Variants in HELZ observed in about 807,000 individuals in gnomAD.
HELZ encodes helicase with zinc finger, also known as ATP-dependent RNA helicase with zinc finger domain.
A neutral mutation model predicts 218.2 loss-of-function variants in HELZ; 23 were observed. That is an observed-to-expected ratio of 0.11 (90% CI 0.08 to 0.15). HELZ has a LOEUF of 0.15. Ranked by LOEUF, HELZ falls within the 10% of genes least tolerant of loss-of-function variation. The pLI is 1.00. For synonymous variants in HELZ, 814 were observed against 829.4 expected, an observed-to-expected ratio of 0.98 and a Z score of 0.32; for missense variants, 1,813 against 2,353.7, an observed-to-expected ratio of 0.77 and a Z score of 4.75.
At chr17:67,102,594 G>A (rs886270302) in intron 31 of HELZ, among the ~76,000 whole-genome samples, 4 of 152,116 alleles carry the variant, frequency 2.6e-5, no homozygotes, top group South Asian at 2.1e-4. Flanking sequence ...TGTTGTTAAC[G>A]TTAAAGAAAT....
At chr17:67,133,824 T>C (rs986496835) in intron 23 of HELZ, among the ~76,000 whole-genome samples, 4 of 152,216 alleles carry the variant, frequency 2.6e-5, no homozygotes, top group Non-Finnish European at 5.9e-5. Flanking sequence ...CGGAACACTA[T>C]TCTTAAATCC....
At chr17:67,215,831 G>GA (rs780032252) in intron 5 of HELZ, 68 bp downstream of exon 5, 268 of 1,028,918 alleles carry the variant, frequency 2.6e-4, no homozygotes, top group Non-Finnish European at 3.7e-4. Context: ...TTTGAAATTA[G>GA]CCAAAAAAAA....
At chr17:67,168,958 G>A (rs1334971392) in intron 13 of HELZ, among the ~76,000 whole-genome samples, 1 of 152,116 alleles carries the variant, frequency 6.6e-6, no homozygotes, top group Non-Finnish European at 1.5e-5. Flanking sequence ...CAGGTGTGGT[G>A]GCAGGCACTT....
At chr17:67,191,476 T>C (rs2039893180) in intron 9 of HELZ, among the ~76,000 whole-genome samples, 1 of 151,966 alleles carries the variant, frequency 6.6e-6, no homozygotes, top group Admixed American at 6.6e-5. Flanking sequence ...TTTTTGGAGA[T>C]AGTCTCGCTC....
chr17:67,232,149 ATT>A, intron 3 of HELZ, among the ~76,000 whole-genome samples: 1 of 148,136 alleles, frequency 6.8e-6, no homozygotes, highest in African/African-American at 2.5e-5. Context: ...GTATTTTATA[ATT>A]TTTTTTTTTC....
upstream of HELZ, chr17:67,245,565 T>C (rs1232396106): frequency 2.1e-6 from 2 of 972,226 alleles, no homozygotes; most frequent in Non-Finnish European, 2.4e-6. Context: ...CTCGCGGATT[T>C]ATTTGTGCGC....
chr17:67,116,317 T>A (rs1022959296), intron 27 of HELZ, among the ~76,000 whole-genome samples: 3 of 152,032 alleles, frequency 2.0e-5, no homozygotes, highest in African/African-American at 7.3e-5. Flanking sequence ...AGAATCAAAC[T>A]TAACTGTATC....
intron 5 of HELZ, among the ~76,000 whole-genome samples, chr17:67,211,817 C>T (rs994544348): frequency 4.6e-5 from 7 of 151,758 alleles, no homozygotes; most frequent in Non-Finnish European, 7.4e-5. Flanking sequence ...GCCAAGATTA[C>T]GCCACTGCAC....
rs954058186 is a variant in HELZ, at chr17:67,245,140, G to A, written c.-132+8C>T. 11 of 985,114 alleles carry A rather than the reference G, an allele frequency of 1.1e-5. No homozygotes were observed. In the Admixed American group the frequency reaches 4.3e-4, roughly 39 times the overall value. The allele number at this position is 985,114 out of a possible 1,614,324, so 61.0% of individuals were successfully genotyped here. A position where few individuals can be genotyped will look rare whatever the true frequency, so the allele number is the denominator to read the frequency against. ...CCAGGAGCAGAGAAGGGGGAAGTCA[G>A]GACTTACCTGTCATTACTTTCTACG... On this transcript the variant is annotated splice_region_variant and intron_variant, in intron 1 of 32. Transcript: ENST00000358691.
chr17:67,187,165 T>G (rs1166448029), intron 12 of HELZ, among the ~76,000 whole-genome samples: 1 of 152,190 alleles, frequency 6.6e-6, no homozygotes, highest in East Asian at 1.9e-4. Context: ...TTATTTTTAT[T>G]TTATCAACTA....
intron 31 of HELZ, among the ~76,000 whole-genome samples, chr17:67,091,592 A>C (rs2036575869): frequency 6.6e-6 from 1 of 152,180 alleles, no homozygotes; most frequent in Admixed American, 6.5e-5. Flanking sequence ...GAATGACATC[A>C]TCTGATCACT....
At chr17:67,096,502 T>C (rs1465316214) in intron 31 of HELZ, among the ~76,000 whole-genome samples, 5 of 152,238 alleles carry the variant, frequency 3.3e-5, no homozygotes, top group Non-Finnish European at 5.9e-5. Context: ...GGTGTAGCCA[T>C]CTTCATCAAT....
Position 67,234,272 on chromosome 17 carries a change from G to A in HELZ, c.-19+5161C>T, listed in dbSNP as rs148669192. ...TAGGAGGCAGAGGTTACAAAGAGCC[G>A]AGATGGAGCCACTGTACTCCAAAAA... On this transcript the variant is annotated intron_variant, in intron 3 of 32. Transcript: ENST00000358691. Among the ~76,000 whole-genome samples, 800 of 139,042 alleles carry A rather than the reference G, an allele frequency of 5.8e-3. 11 individuals carry two copies. The highest frequency in any genetic ancestry group is 0.021 in the African/African-American group (772 of 36,660). 91.2% of individuals were successfully genotyped at this position (139,042 alleles called of 152,430 possible).
At chr17:67,155,933 T>C (rs1312897793) in intron 17 of HELZ, among the ~76,000 whole-genome samples, 2 of 150,312 alleles carry the variant, frequency 1.3e-5, no homozygotes, top group African/African-American at 4.9e-5. Context: ...TGTGTGTGTA[T>C]ATATTATACA....
chr17:67,098,804 T>C (rs966962853), intron 31 of HELZ, among the ~76,000 whole-genome samples: 1 of 152,154 alleles, frequency 6.6e-6, no homozygotes, highest in African/African-American at 2.4e-5. Flanking sequence ...ATCAACAATT[T>C]GATAGACTCG....
At chr17:67,165,936 A>T (rs2039129468) in intron 15 of HELZ, among the ~76,000 whole-genome samples, 3 of 152,232 alleles carry the variant, frequency 2.0e-5, no homozygotes, top group Non-Finnish European at 4.4e-5. Flanking sequence ...TTTCGAGACC[A>T]GCATGGACAA....
intron 31 of HELZ, among the ~76,000 whole-genome samples, chr17:67,105,756 C>A (rs2143725774): frequency 6.6e-6 from 1 of 152,304 alleles, no homozygotes; most frequent in East Asian, 1.9e-4. Context: ...AATTCTAGAT[C>A]CTCACAATAC....
intron 5 of HELZ, among the ~76,000 whole-genome samples, chr17:67,215,432 T>C (rs143609393): frequency 0.011 from 1,605 of 149,846 alleles, 30 homozygotes; most frequent in African/African-American, 0.037. Flanking sequence ...CACTGCAACC[T>C]CCGCCTCCCG....
In HELZ at chr17:67,077,446, G is replaced by A. The variant is rs1294249379; in HGVS notation, c.*806C>T. 6.6e-6 allele frequency: 1 copy of A among 151,440 alleles called. No individual in the cohort carries two copies. Among genetic ancestry groups the A allele is most frequent in the Non-Finnish European group, 1.5e-5 (1 of 67,882 alleles). The allele number at this position is 151,440 out of a possible 1,614,324, so 9.4% of individuals were successfully genotyped here. A position where few individuals can be genotyped will look rare whatever the true frequency, so the allele number is the denominator to read the frequency against. On this transcript the variant is annotated 3_prime_UTR_variant, in exon 33 of 33. Coordinates refer to ENST00000358691, the MANE Select transcript of HELZ (RefSeq NM_014877.4). ...TTAAAATAGTTATCAAGTCTACTAA[G>A]CACCAACAATCCTAAAAATTTTTCA... is the stretch of plus-strand genomic sequence containing the variant.
Sources: gnomAD v4.1 joint callset for allele counts (sites outside exome capture counted in the v4.1 genomes callset) on GRCh38, gnomAD v4.1.1 for gene constraint, MANE v1.5 for transcripts, NCBI Gene and HGNC (gene_info 2026-07-23, HGNC 2026-07-21) for gene names.